TRMT10B: variants seen among roughly 807,000 people sequenced by gnomAD.
TRMT10B encodes the protein tRNA methyltransferase 10 homolog B.
TRMT10B carries 33 observed loss-of-function variants against 43.8 expected under a neutral mutation model. The observed-to-expected ratio is 0.75, with a 90% CI of 0.57 to 1.01. The LOEUF (loss-of-function observed/expected upper bound fraction) is 1.01. Among genes scored for constraint, TRMT10B ranks in the 50% least tolerant of loss-of-function variants. The probability of loss-of-function intolerance (pLI) is 0.00; values close to 1 mark genes in which losing one functional copy is unlikely to be tolerated. For missense variants in TRMT10B, 362 were observed against 369.8 expected (o/e 0.98, Z 0.17); for synonymous variants, 137 against 130.6 (o/e 1.05, Z -0.34).
chr9:37,758,715 C>A (rs1025112717), intron 1 of TRMT10B, among the ~76,000 whole-genome samples: 15 of 152,150 alleles, frequency 9.9e-5, no homozygotes, highest in African/African-American at 3.1e-4. Flanking sequence ...ATTGGACTTA[C>A]CTTCCTACAA....
chr9:37,763,779 TC>T (rs1429899147), intron 4 of TRMT10B, 26 bp downstream of exon 4: 1 of 1,613,376 alleles, frequency 6.2e-7, no homozygotes, highest in African/African-American at 1.3e-5. Flanking sequence ...AGCCTGGAAT[TC>T]CTGCTCGCCA....
rs758941294 is a variant in TRMT10B at position 37,777,691 on chromosome 9, G to C, written c.935G>C (p.Arg312Pro). 1 of 1,613,728 alleles carries C rather than the reference G, an allele frequency of 6.2e-7. No individual in the cohort carries two copies. Residue 312 changes from arginine to proline, a missense_variant, in exon 9 of 9, where the codon CGG (arginine) becomes CCG (proline). Transcript: ENST00000297994. ...TCTTCAGGAAAAGGCTATATTCTTC[G>C]GAACTCAGTGGAATGATGGGCCTAA... Reference protein sequence around the residue: ...GVSSGKGYILRNSVE With the variant: ...GVSSGKGYILPNSVE
Position 37,776,421 on chromosome 9 carries a change from C to T in TRMT10B, c.844+16C>T, listed in dbSNP as rs1828155353. ...ATCAATCAAGGTACTTCTTACACGG[C>T]CCCCATCCAGGGTGTGTGAGTTCTG... On this transcript the variant is annotated intron_variant, in intron 8 of 8. Transcript: ENST00000297994. 1 of 1,598,680 alleles carries T rather than the reference C, an allele frequency of 6.3e-7. No individual in the cohort carries two copies. Among genetic ancestry groups the T allele is most frequent in the Non-Finnish European group, 8.5e-7 (1 of 1,173,814 alleles).
At chr9:37,767,950 C>T in intron 4 of TRMT10B, 126 bp from the exon 5 acceptor site, 1 of 953,006 alleles carries the variant, frequency 1.0e-6, no homozygotes. Flanking sequence ...TACACGCACA[C>T]ATGTACTCCT....
At position 37,778,752 on chromosome 9, in the gene TRMT10B, C is replaced by G. The variant is rs556906426; in HGVS notation, c.*1045C>G. 1 of 152,360 alleles carries G rather than the reference C, an allele frequency of 6.6e-6. No homozygotes were observed. The highest frequency in any genetic ancestry group is 2.1e-4 in the South Asian group (1 of 4,828). 9.4% of individuals were successfully genotyped at this position (152,360 alleles called of 1,614,324 possible). ...TTTGCAGGATCCAGCCTGTTCTGAC[C>G]TATCCCTACTGAGTCCCCATAGCAT... On this transcript the variant is annotated 3_prime_UTR_variant, in exon 9 of 9. Coordinates refer to ENST00000297994, the MANE Select transcript of TRMT10B (RefSeq NM_144964.4).
At chr9:37,769,882 C>G in intron 5 of TRMT10B, 59 bp from the exon 6 acceptor site, 1 of 1,387,008 alleles carries the variant, frequency 7.2e-7, no homozygotes, top group Non-Finnish European at 1.0e-6. Context: ...GGATTACAGA[C>G]GTGAGCCACC....
intron 1 of TRMT10B, among the ~76,000 whole-genome samples, chr9:37,754,296 G>T (rs1311618249): frequency 6.6e-6 from 1 of 152,246 alleles, no homozygotes; most frequent in Non-Finnish European, 1.5e-5. Flanking sequence ...ATAGTAATAT[G>T]AATGAGGAGA....
Position 37,768,106 on chromosome 9 carries a change from A to AGGT in TRMT10B, c.452_454dup (p.Arg151_Leu152insTrp), listed in dbSNP as rs770745569. On this transcript the variant is annotated inframe_insertion, in exon 5 of 9. Transcript: ENST00000297994. ...AAGTAGACTGGCTGGACAGATTCGA[A>AGGT]GGTTGTATGGTTCAAACAAAAAAGC... The AGGT allele has an allele frequency of 1.2e-6, 2 of 1,613,968 alleles. No homozygotes were observed. The highest frequency in any genetic ancestry group is 2.7e-5 in the African/African-American group (2 of 74,902).
chr9:37,767,170 G>C (rs928880082), intron 4 of TRMT10B: 3 of 152,038 alleles, frequency 2.0e-5, no homozygotes, highest in African/African-American at 7.3e-5. Flanking sequence ...CAGATCTGAG[G>C]TTCCTACCTG....
rs11306620 is a variant in TRMT10B, at chr9:37,777,194, C to CAA, written c.845-370_845-369dup. On this transcript the variant is annotated intron_variant, in intron 8 of 8. Coordinates refer to ENST00000297994, the MANE Select transcript of TRMT10B (RefSeq NM_144964.4). The stretch of plus-strand genomic sequence containing the variant: ...GAGCAACAAGAGTGCAACTCCGCCT[C>CAA]AAAAAAAAAAAAAAAAAAAAAAAAA... Among the ~76,000 whole-genome samples, 220 of 29,984 alleles carry CAA rather than the reference C, an allele frequency of 7.3e-3. 14 individuals are homozygous for CAA. Among genetic ancestry groups the CAA allele is most frequent in the Non-Finnish European group, 0.011 (194 of 17,914 alleles). 19.7% of individuals were successfully genotyped at this position (29,984 alleles called of 152,430 possible).
rs1374358521 is a variant in TRMT10B, at chr9:37,762,436, A to G, written c.187-141A>G. ...GTTTTCTCTAAACACGATCCAGTCTAGGTTTGTTTTTAAGAGTAATTTCCT... is the reference window on the plus strand; with the variant it reads ...GTTTTCTCTAAACACGATCCAGTCTGGGTTTGTTTTTAAGAGTAATTTCCT... On this transcript the variant is annotated intron_variant, in intron 2 of 8. Coordinates refer to ENST00000297994, the MANE Select transcript of TRMT10B (RefSeq NM_144964.4). 23 of 1,222,488 alleles carry G rather than the reference A, an allele frequency of 1.9e-5. No homozygotes were observed. The Admixed American group carries it at 6.5e-4, about 34-fold the overall frequency. The allele number at this position is 1,222,488 out of a possible 1,614,324, so 75.7% of individuals were successfully genotyped here.
chr9:37,774,292 G>A (rs1246814325), intron 7 of TRMT10B, among the ~76,000 whole-genome samples: 1 of 152,200 alleles, frequency 6.6e-6, no homozygotes, highest in Non-Finnish European at 1.5e-5. Flanking sequence ...ATGAGCCACG[G>A]TGCCTGGCCA....
At chr9:37,773,953 C>G (rs1476803975) in intron 7 of TRMT10B, among the ~76,000 whole-genome samples, 1 of 93,438 alleles carries the variant, frequency 1.1e-5, no homozygotes, top group Admixed American at 1.1e-4. Flanking sequence ...GAGACCCTGT[C>G]TCTAAAAAAA....
chr9:37,769,308 T>TA (rs57651814), intron 5 of TRMT10B, among the ~76,000 whole-genome samples: 4,282 of 60,350 alleles, frequency 0.071, 395 homozygotes, highest in Non-Finnish European at 0.077. Flanking sequence ...ACCCTGTCTT[T>TA]AAAAAAAAAA....
At chr9:37,758,489 G>A (rs1428865153) in intron 1 of TRMT10B, among the ~76,000 whole-genome samples, 1 of 152,154 alleles carries the variant, frequency 6.6e-6, no homozygotes, top group Non-Finnish European at 1.5e-5. Context: ...TAATTGTTTT[G>A]TCAGGGCAAA....
chr9:37,773,274 ATTT>A (rs3076727), intron 7 of TRMT10B, among the ~76,000 whole-genome samples: 1 of 144,830 alleles, frequency 6.9e-6, no homozygotes, highest in Non-Finnish European at 1.5e-5. Context: ...TGGCCAGCTA[ATTT>A]TTTTTTTTTT....
intron 4 of TRMT10B, among the ~76,000 whole-genome samples, chr9:37,766,175 T>A (rs372277316): frequency 2.0e-5 from 3 of 152,126 alleles, no homozygotes; most frequent in Non-Finnish European, 2.9e-5. Context: ...CTGAATGGTA[T>A]TGCCTAGGTT....
intron 1 of TRMT10B, among the ~76,000 whole-genome samples, chr9:37,761,459 G>T (rs1216489890): frequency 6.6e-6 from 1 of 152,178 alleles, no homozygotes; most frequent in Non-Finnish European, 1.5e-5. Context: ...CGCACTTTGG[G>T]GGGCCGAGAT....
intron 5 of TRMT10B, 91 bp downstream of exon 5, chr9:37,768,319 A>C (rs765071620): frequency 3.6e-6 from 5 of 1,376,032 alleles, no homozygotes; most frequent in Admixed American, 2.3e-5. Context: ...TATATGTTAC[A>C]TTTTCAGTAT....
Sources: allele counts gnomAD v4.1 joint callset (sites outside exome capture counted in the v4.1 genomes callset), GRCh38; gene constraint gnomAD v4.1.1; transcripts MANE v1.5; gene names NCBI Gene and HGNC (gene_info 2026-07-23, HGNC 2026-07-21).